MYO3B: variants seen among roughly 807,000 people sequenced by gnomAD.
MYO3B encodes the protein myosin-IIIb.
In MYO3B, 156 loss-of-function variants were observed where a neutral mutation model predicts 174.6. That is an observed-to-expected ratio of 0.89 (90% confidence interval 0.78 to 1.02). The LOEUF is 1.02. Ranked by LOEUF, MYO3B falls within the 50% of genes least tolerant of loss-of-function variation. The pLI is 0.00. For missense variants in MYO3B, 1,632 were observed against 1,639.4 expected (o/e 1.00, Z 0.08); for synonymous variants, 563 against 569.1 (o/e 0.99, Z 0.15).
At chr2:170,388,150 T>C (rs1030550654) in intron 14 of MYO3B, among the ~76,000 whole-genome samples, 1 of 152,170 alleles carries the variant, frequency 6.6e-6, no homozygotes, top group Non-Finnish European at 1.5e-5. Context: ...AATGCATTAT[T>C]GAATCCCTGC....
At chr2:170,308,853 A>G (rs1314831039) in intron 7 of MYO3B, among the ~76,000 whole-genome samples, 1 of 152,112 alleles carries the variant, frequency 6.6e-6, no homozygotes, top group Non-Finnish European at 1.5e-5. Context: ...GGGGGACACA[A>G]ATTCAAATGT....
chr2:170,596,527 C>T (rs114536284), intron 32 of MYO3B, among the ~76,000 whole-genome samples: 3 of 152,348 alleles, frequency 2.0e-5, no homozygotes, highest in Non-Finnish European at 2.9e-5. Flanking sequence ...CATTACCACA[C>T]ATTCATAATT....
At chr2:170,395,312 C>G (rs930662803) in intron 16 of MYO3B, among the ~76,000 whole-genome samples, 3 of 152,174 alleles carry the variant, frequency 2.0e-5, no homozygotes, top group Non-Finnish European at 2.9e-5. Flanking sequence ...TTATATTTGT[C>G]TTCCTGGTAG....
intron 3 of MYO3B, among the ~76,000 whole-genome samples, chr2:170,207,899 G>C (rs934172181): frequency 6.6e-6 from 1 of 152,096 alleles, no homozygotes; most frequent in Admixed American, 6.5e-5. Context: ...CCAAGTTCCA[G>C]TGACTGTGAC....
intron 32 of MYO3B, among the ~76,000 whole-genome samples, chr2:170,627,628 T>C (rs1696564478): frequency 6.6e-6 from 1 of 152,270 alleles, no homozygotes; most frequent in Non-Finnish European, 1.5e-5. Flanking sequence ...AGAGGCGCTC[T>C]GATTTTTAGA....
intron 28 of MYO3B, among the ~76,000 whole-genome samples, chr2:170,511,891 A>C (rs772840533): frequency 6.6e-6 from 1 of 152,218 alleles, no homozygotes; most frequent in Non-Finnish European, 1.5e-5. Context: ...CAGGCAGGAC[A>C]TAAATTTTAA....
chr2:170,584,536 C>T (rs1693374139), intron 32 of MYO3B, among the ~76,000 whole-genome samples: 1 of 152,162 alleles, frequency 6.6e-6, no homozygotes. Flanking sequence ...TTCTCTTCAA[C>T]TATCTTTGCT....
chr2:170,462,868 T>C (rs1684383907), intron 23 of MYO3B, among the ~76,000 whole-genome samples: 1 of 152,112 alleles, frequency 6.6e-6, no homozygotes, highest in Non-Finnish European at 1.5e-5. Flanking sequence ...TGAGCTCCTA[T>C]CTGCAATGAG....
At chr2:170,220,237 G>T (rs954142650) in intron 6 of MYO3B, among the ~76,000 whole-genome samples, 11 of 150,588 alleles carry the variant, frequency 7.3e-5, no homozygotes, top group Non-Finnish European at 1.3e-4. Flanking sequence ...CAGCCTGGGA[G>T]ACAGAGTGAG....
At chr2:170,630,773 G>A (rs1231698685) in intron 32 of MYO3B, among the ~76,000 whole-genome samples, 3 of 152,238 alleles carry the variant, frequency 2.0e-5, no homozygotes, top group African/African-American at 7.2e-5. Context: ...AGGGTCTGGA[G>A]TGGACCTCCA....
At chr2:170,305,853 C>G (rs1333034713) in intron 7 of MYO3B, among the ~76,000 whole-genome samples, 1 of 152,172 alleles carries the variant, frequency 6.6e-6, no homozygotes, top group Non-Finnish European at 1.5e-5. Flanking sequence ...TCCTGTGTAG[C>G]TGGGATTACA....
chr2:170,306,060 G>A (rs896202308), intron 7 of MYO3B, among the ~76,000 whole-genome samples: 5 of 152,196 alleles, frequency 3.3e-5, no homozygotes, highest in Non-Finnish European at 5.9e-5. Flanking sequence ...GGTCCATGGT[G>A]GTTTCACTCA....
intron 23 of MYO3B, among the ~76,000 whole-genome samples, chr2:170,444,488 C>T (rs2094825768): frequency 6.6e-6 from 1 of 152,158 alleles, no homozygotes; most frequent in Non-Finnish European, 1.5e-5. Context: ...TCTATCCTTC[C>T]AGCTAAAGTT....
chr2:170,295,356 T>A (rs114626478), intron 7 of MYO3B, among the ~76,000 whole-genome samples: 2,940 of 117,630 alleles, frequency 0.025, 32 homozygotes, highest in Non-Finnish European at 0.033. Context: ...TTGTATTGAT[T>A]TTCTTTATTG....
intron 32 of MYO3B, among the ~76,000 whole-genome samples, chr2:170,615,718 T>C (rs1033443909): frequency 7.2e-5 from 11 of 152,276 alleles, no homozygotes; most frequent in Middle Eastern, 3.4e-3. Context: ...TGTTCCCAGG[T>C]GTATTGGCAG....
intron 32 of MYO3B, among the ~76,000 whole-genome samples, chr2:170,637,274 C>T (rs1457947682): frequency 6.6e-6 from 1 of 150,712 alleles, no homozygotes; most frequent in Non-Finnish European, 1.5e-5. Context: ...CGGGTTCAAG[C>T]GATTCTCCTG....
chr2:170,338,547 A>ATT (rs1331728464), intron 8 of MYO3B, among the ~76,000 whole-genome samples: 4 of 152,210 alleles, frequency 2.6e-5, no homozygotes, highest in Admixed American at 6.5e-5. Context: ...TGATTATTAT[A>ATT]TTATATATCT....
intron 32 of MYO3B, among the ~76,000 whole-genome samples, chr2:170,600,310 T>C (rs1238206016): frequency 6.6e-6 from 1 of 152,178 alleles, no homozygotes; most frequent in Non-Finnish European, 1.5e-5. Flanking sequence ...TATTTTAGAA[T>C]ACTGGCACTT....
chr2:170,537,448 A>ATTTTCTTTTTTTTTTT (rs1689789030), intron 30 of MYO3B, among the ~76,000 whole-genome samples: 1 of 54,804 alleles, frequency 1.8e-5, no homozygotes, highest in Non-Finnish European at 3.2e-5. Flanking sequence ...GAGCTCTTTG[A>ATTTTCTTTTTTTTTTT]TTTTTTTTTT....
Sources: gnomAD v4.1 joint callset for allele counts (sites outside exome capture counted in the v4.1 genomes callset) on GRCh38, gnomAD v4.1.1 for gene constraint, MANE v1.5 for transcripts, NCBI Gene and HGNC (gene_info 2026-07-23, HGNC 2026-07-21) for gene names.